Variants in NMNAT1 observed in about 807,000 individuals in gnomAD.
NMNAT1 encodes nicotinamide/nicotinic acid mononucleotide adenylyltransferase 1.
In NMNAT1, 11 loss-of-function variants were observed where a neutral mutation model predicts 16.7. That is an observed-to-expected ratio of 0.66 (90% CI 0.41 to 1.09). The LOEUF (loss-of-function observed/expected upper bound fraction) is 1.09. NMNAT1 is among the 50% of genes least tolerant of loss of function. The pLI is 0.00. For missense variants in NMNAT1, 280 were observed against 332.3 expected (o/e 0.84, Z 1.22); for synonymous variants, 110 against 119.8 (o/e 0.92, Z 0.53).
Position 9,975,783 on chromosome 1 carries a change from T to C in NMNAT1, c.299+8T>C, listed in dbSNP as rs1641793632. The C allele has an allele frequency of 1.9e-6, 3 of 1,603,632 alleles. No homozygotes were observed. The highest frequency in any genetic ancestry group is 2.2e-5 in the South Asian group (2 of 89,644). ...GACTCTGAAGGTGCTAAGGTATTTA[T>C]GGTGTAATCAACTTTGTCAGTTCTG... On this transcript the variant is annotated splice_region_variant and intron_variant, in intron 3 of 4. Coordinates refer to ENST00000377205, the MANE Select transcript of NMNAT1 (RefSeq NM_022787.4).
At chr1:9,957,241 C>T (rs1641284294) in intron 1 of NMNAT1, among the ~76,000 whole-genome samples, 1 of 152,168 alleles carries the variant, frequency 6.6e-6, no homozygotes, top group Non-Finnish European at 1.5e-5. Flanking sequence ...GTTGGTCAGG[C>T]TGGTCTCACA....
At chr1:9,986,433 C>T (rs570863530), downstream of NMNAT1, among the ~76,000 whole-genome samples, 3 of 152,270 alleles carry the variant, frequency 2.0e-5, no homozygotes, top group Non-Finnish European at 2.9e-5. Context: ...TATCAGCTAG[C>T]GCCGGCGTGG....
chr1:9,987,307 C>A (rs1366012018), downstream of NMNAT1, among the ~76,000 whole-genome samples: 1 of 152,116 alleles, frequency 6.6e-6, no homozygotes, highest in Non-Finnish European at 1.5e-5. Flanking sequence ...CCAGCATGAG[C>A]AACAGAGTGA....
At chr1:9,961,090 G>T (rs1339744646) in intron 1 of NMNAT1, among the ~76,000 whole-genome samples, 1 of 152,128 alleles carries the variant, frequency 6.6e-6, no homozygotes, top group African/African-American at 2.4e-5. Flanking sequence ...ACTGTGAGCT[G>T]GATATTTGAG....
chr1:9,995,610 C>G, the NMNAT1 span, among the ~76,000 whole-genome samples: 1 of 152,034 alleles, frequency 6.6e-6, no homozygotes, highest in African/African-American at 2.4e-5. Flanking sequence ...AGGAGAGTTG[C>G]TTGAACCCAA....
intron 1 of NMNAT1, among the ~76,000 whole-genome samples, chr1:9,944,265 TAA>T (rs1329609038): frequency 6.6e-6 from 1 of 151,088 alleles, no homozygotes; most frequent in Admixed American, 6.6e-5. Context: ...AAAATAAAAA[TAA>T]AAAAAAGTTA....
the NMNAT1 span, among the ~76,000 whole-genome samples, chr1:9,996,876 A>G: frequency 6.6e-6 from 1 of 152,172 alleles, no homozygotes; most frequent in African/African-American, 2.4e-5. Flanking sequence ...ATAAACTCCT[A>G]TTTATTGAGA....
chr1:9,985,329 A>C lies in NMNAT1; in HGVS notation c.*2628A>C, dbSNP rs1489902519. On this transcript the variant is annotated 3_prime_UTR_variant, in exon 5 of 5. Transcript: ENST00000377205. ...TATATCATAAGGAAACGGCAAAATC[A>C]GGGGACTGGTATAAATGGTGAGCTG... 1.3e-5 allele frequency: 2 copies of C among 152,166 alleles called. No homozygotes were observed. The highest frequency in any genetic ancestry group is 2.9e-5 in the Non-Finnish European group (2 of 68,016). 9.4% of individuals were successfully genotyped at this position (152,166 alleles called of 1,614,324 possible). A position where few individuals can be genotyped will look rare whatever the true frequency, so the allele number is the denominator to read the frequency against.
At chr1:9,971,498 A>C (rs1641686868) in intron 1 of NMNAT1, among the ~76,000 whole-genome samples, 1 of 151,748 alleles carries the variant, frequency 6.6e-6, no homozygotes, top group Non-Finnish European at 1.5e-5. Context: ...ATTTTTTGTA[A>C]AGACGAGGTT....
intron 1 of NMNAT1, among the ~76,000 whole-genome samples, chr1:9,959,597 C>T (rs2101662467): frequency 6.6e-6 from 1 of 152,178 alleles, no homozygotes; most frequent in East Asian, 1.9e-4. Flanking sequence ...AGGAGAATGG[C>T]TTGAACCTGG....
In NMNAT1 at chr1:9,982,443, G is replaced by C. The variant is rs765481730; in HGVS notation, c.582G>C (p.Gln194His). ...ICVTRAGNDAQKFIYESDVLW... is the reference protein window; with the variant it reads ...ICVTRAGNDAHKFIYESDVLW... ...TTACTCGGGCTGGAAATGATGCTCA[G>C]AAGTTTATCTATGAATCGGATGTGC... The change falls in exon 5 of 5, where the codon CAG becomes CAC. Residue 194 changes from glutamine to histidine, a missense_variant. Coordinates refer to ENST00000377205, the MANE Select transcript of NMNAT1 (RefSeq NM_022787.4). 1.9e-6 allele frequency: 3 copies of C among 1,614,144 alleles called. No individual in the cohort carries two copies. The highest frequency in any genetic ancestry group is 2.5e-6 in the Non-Finnish European group (3 of 1,180,044).
At chr1:9,945,537 A>G (rs569489046) in intron 1 of NMNAT1, among the ~76,000 whole-genome samples, 1 of 152,162 alleles carries the variant, frequency 6.6e-6, no homozygotes, top group Admixed American at 6.5e-5. Context: ...TGTCTCTACT[A>G]AAAATACAAA....
the NMNAT1 span, among the ~76,000 whole-genome samples, chr1:9,994,903 C>T: frequency 1.3e-5 from 2 of 152,022 alleles, no homozygotes; most frequent in East Asian, 1.9e-4. Flanking sequence ...TGAGCCACTG[C>T]GCCTGTCCAA....
intron 1 of NMNAT1, among the ~76,000 whole-genome samples, chr1:9,971,558 C>T (rs1358116593): frequency 1.3e-5 from 2 of 152,008 alleles, no homozygotes; most frequent in East Asian, 1.9e-4. Flanking sequence ...ATGATCCACC[C>T]GCCCCAGCCT....
At chr1:9,992,628 A>G in the NMNAT1 span, among the ~76,000 whole-genome samples, 186 of 151,976 alleles carry the variant, frequency 1.2e-3, 1 homozygote, top group African/African-American at 4.2e-3. Context: ...CTGTACCCCT[A>G]TGGCCGGGCG....
rs1570714581 is a variant in NMNAT1 at position 9,980,473 on chromosome 1, A to T, written c.300-558A>T. ...GTCACTACTAAAAATACAAAAAAAA[A>T]TTGGCTGAGCGTGGTGGTGCGCCCC... is the stretch of plus-strand genomic sequence containing the variant. On this transcript the variant is annotated intron_variant, in intron 3 of 4. Coordinates refer to ENST00000377205, the MANE Select transcript of NMNAT1 (RefSeq NM_022787.4). Among the ~76,000 whole-genome samples the T allele has an allele frequency of 2.2e-5, 3 of 136,874 alleles. No individual in the cohort carries two copies. The South Asian group carries it at 7.7e-4, about 35-fold the overall frequency. The allele number at this position is 136,874 out of a possible 152,430, so 89.8% of individuals were successfully genotyped here. A position where few individuals can be genotyped will look rare whatever the true frequency, so the allele number is the denominator to read the frequency against.
chr1:9,975,522 T>C (rs1159904911), intron 2 of NMNAT1, 70 bp from the exon 3 acceptor site: 7 of 1,225,100 alleles, frequency 5.7e-6, no homozygotes, highest in East Asian at 2.4e-5. Flanking sequence ...CAAATAATAT[T>C]GATCGTAATA....
At chr1:9,944,006 G>A (rs1640896663) in intron 1 of NMNAT1, among the ~76,000 whole-genome samples, 1 of 152,090 alleles carries the variant, frequency 6.6e-6, no homozygotes, top group African/African-American at 2.4e-5. Flanking sequence ...TGTAATCCCA[G>A]CACTTTGGGA....
chr1:9,955,920 G>C (rs1641247891), intron 1 of NMNAT1: 1 of 152,008 alleles, frequency 6.6e-6, no homozygotes, highest in African/African-American at 2.4e-5. Context: ...AATAAACTGG[G>C]TGATACATTA....
Sources: gnomAD v4.1 joint callset for allele counts (sites outside exome capture counted in the v4.1 genomes callset) on GRCh38, gnomAD v4.1.1 for gene constraint, MANE v1.5 for transcripts, NCBI Gene and HGNC (gene_info 2026-07-23, HGNC 2026-07-21) for gene names.